Variants in DGKI observed in about 807,000 individuals in gnomAD.
DGKI encodes the protein diacylglycerol kinase iota, also known as DAG kinase iota.
In DGKI, 55 loss-of-function variants were observed where a neutral mutation model predicts 147.5. The ratio of observed to expected loss-of-function variants is 0.37; its 90% CI spans 0.30 to 0.47. The LOEUF (loss-of-function observed/expected upper bound fraction) is 0.47. Ranked by LOEUF, DGKI falls within the 20% of genes least tolerant of loss-of-function variation. The probability of loss-of-function intolerance (pLI) is 1.00; values close to 1 mark genes in which losing one functional copy is unlikely to be tolerated. For synonymous variants in DGKI, 469 were observed against 477.1 expected, an observed-to-expected ratio of 0.98 and a Z score of 0.22; for missense variants, 1,007 against 1,323.8, an observed-to-expected ratio of 0.76 and a Z score of 3.71.
intron 20 of DGKI, among the ~76,000 whole-genome samples, chr7:137,548,433 TC>T (rs2128964552): frequency 6.6e-6 from 1 of 152,266 alleles, no homozygotes; most frequent in South Asian, 2.1e-4. Flanking sequence ...CCTGGTGCCC[TC>T]CTTGAGGTAG....
chr7:137,482,807 CT>C (rs1361906547), intron 23 of DGKI, among the ~76,000 whole-genome samples: 1 of 151,952 alleles, frequency 6.6e-6, no homozygotes, highest in Non-Finnish European at 1.5e-5. Context: ...CTTCTTGGAT[CT>C]TTTTTGTTCC....
chr7:137,610,231 G>T (rs1264604036), intron 8 of DGKI, among the ~76,000 whole-genome samples: 1 of 152,046 alleles, frequency 6.6e-6, no homozygotes, highest in Non-Finnish European at 1.5e-5. Context: ...GGAAGTCATT[G>T]TTCTTTCTTT....
chr7:137,768,535 A>C (rs1200411724), intron 1 of DGKI, among the ~76,000 whole-genome samples: 2 of 152,204 alleles, frequency 1.3e-5, no homozygotes. Context: ...TGAGCAAAAA[A>C]TATCCTTTCC....
intron 1 of DGKI, among the ~76,000 whole-genome samples, chr7:137,784,779 C>T (rs545421964): frequency 6.6e-6 from 1 of 152,126 alleles, no homozygotes; most frequent in South Asian, 2.1e-4. Flanking sequence ...AGTACCCTCC[C>T]AGACCACAGT....
intron 23 of DGKI, among the ~76,000 whole-genome samples, chr7:137,473,226 T>C (rs1258299983): frequency 2.6e-5 from 4 of 152,146 alleles, no homozygotes; most frequent in Non-Finnish European, 4.4e-5. Flanking sequence ...TAGATGGAAA[T>C]TGCAAAAATG....
At chr7:137,703,339 C>T (rs1355421074) in intron 1 of DGKI, among the ~76,000 whole-genome samples, 2 of 152,188 alleles carry the variant, frequency 1.3e-5, no homozygotes, top group African/African-American at 2.4e-5. Context: ...CAGGCCCCTC[C>T]TCCAATGTGA....
At chr7:137,580,392 C>T (rs1819146786) in intron 15 of DGKI, among the ~76,000 whole-genome samples, 1 of 152,018 alleles carries the variant, frequency 6.6e-6, no homozygotes, top group Non-Finnish European at 1.5e-5. Context: ...CCTCTGAATA[C>T]CTAATATCCA....
chr7:137,770,304 C>T (rs1441045709), intron 1 of DGKI, among the ~76,000 whole-genome samples: 1 of 151,368 alleles, frequency 6.6e-6, no homozygotes, highest in Non-Finnish European at 1.5e-5. Context: ...CAACACACAT[C>T]AGGGCCTGTC....
Position 137,572,801 on chromosome 7 carries a change from A to T in DGKI, c.1799T>A (p.Leu600Gln). 1 of 1,612,402 alleles carries T rather than the reference A, an allele frequency of 6.2e-7. No homozygotes were observed. The highest frequency in any genetic ancestry group is 2.2e-5 in the East Asian group (1 of 44,826). Residue 600 changes from leucine (L) to glutamine (Q), a missense_variant, in exon 18 of 33, where the codon CTG (leucine) becomes CAG (glutamine). Physicochemically the swap from Leu to Gln is moderately radical, Grantham distance 113. Coordinates refer to ENST00000614521, the MANE Select transcript of DGKI (RefSeq NM_001321708.2). ...TAAAAATACTATACACTGGAACTTC[A>T]GTTCCTGAATCTTTGGGGTGAGATC... is the stretch of plus-strand genomic sequence containing the variant. The part of the protein sequence containing the change: ...GTDLTPKIQE[L>Q]KFQCIVFLNI...
At chr7:137,435,234 A>G (rs17169175) in intron 28 of DGKI, among the ~76,000 whole-genome samples, 13,089 of 152,228 alleles carry the variant, frequency 0.086, 1,621 homozygotes, top group African/African-American at 0.27. Flanking sequence ...GTCAAATAAG[A>G]AGAGCAACAT....
rs750705425 is a variant in DGKI, at chr7:137,678,662, A to G, written c.511-10T>C. Reference sequence around the variant, plus strand: ...CATTCACGGCATTCTCCTGCAAGGAAAAGACCCACCTGACATCAATTTTTT... The same window carrying G: ...CATTCACGGCATTCTCCTGCAAGGAGAAGACCCACCTGACATCAATTTTTT... On this transcript the variant is annotated splice_polypyrimidine_tract_variant and intron_variant, in intron 2 of 32. Transcript: ENST00000614521. 1.9e-6 allele frequency: 3 copies of G among 1,613,126 alleles called. No individual in the cohort carries two copies. In the Middle Eastern group the frequency reaches 4.9e-4, roughly 265 times the overall value.
intron 2 of DGKI, among the ~76,000 whole-genome samples, chr7:137,686,388 C>A (rs1301222026): frequency 6.6e-6 from 1 of 152,204 alleles, no homozygotes; most frequent in Admixed American, 6.5e-5. Context: ...TCTCCACACA[C>A]CACTGCAGGT....
chr7:137,460,386 C>T (rs912218009), intron 27 of DGKI, among the ~76,000 whole-genome samples: 1 of 152,090 alleles, frequency 6.6e-6, no homozygotes, highest in Non-Finnish European at 1.5e-5. Context: ...ATGCAATATT[C>T]TATATCAAAA....
chr7:137,748,355 A>C (rs948803318), intron 1 of DGKI, among the ~76,000 whole-genome samples: 11 of 149,460 alleles, frequency 7.4e-5, no homozygotes, highest in Admixed American at 6.7e-4. Context: ...TGGTTAAAGA[A>C]AAAAAAAAAA....
At chr7:137,569,290 CCA>C (rs1218455973) in intron 19 of DGKI, among the ~76,000 whole-genome samples, 3 of 152,092 alleles carry the variant, frequency 2.0e-5, no homozygotes, top group African/African-American at 7.2e-5. Flanking sequence ...GAGCCTTCTA[CCA>C]CAGTCAGAAC....
intron 13 of DGKI, among the ~76,000 whole-genome samples, chr7:137,586,010 G>C (rs961047021): frequency 6.6e-6 from 1 of 152,096 alleles, no homozygotes; most frequent in African/African-American, 2.4e-5. Context: ...TTTCTACACT[G>C]CCTACTTTAA....
intron 6 of DGKI, among the ~76,000 whole-genome samples, chr7:137,631,126 T>C (rs558606056): frequency 4.6e-5 from 7 of 152,344 alleles, no homozygotes; most frequent in African/African-American, 1.7e-4. Flanking sequence ...CAGGAAATAA[T>C]TGTCTTTACT....
At chr7:137,418,474 C>G (rs995181809) in intron 28 of DGKI, among the ~76,000 whole-genome samples, 1 of 152,090 alleles carries the variant, frequency 6.6e-6, no homozygotes, top group African/African-American at 2.4e-5. Context: ...TATTGCTGTA[C>G]AGAAGACAAT....
chr7:137,739,801 T>C (rs1041057974), intron 1 of DGKI, among the ~76,000 whole-genome samples: 3 of 152,182 alleles, frequency 2.0e-5, no homozygotes, highest in Non-Finnish European at 2.9e-5. Flanking sequence ...TATTTGTCAA[T>C]AGAGCATATG....
Sources: gnomAD v4.1 joint callset for allele counts (sites outside exome capture counted in the v4.1 genomes callset) on GRCh38, gnomAD v4.1.1 for gene constraint, MANE v1.5 for transcripts, NCBI Gene and HGNC (gene_info 2026-07-23, HGNC 2026-07-21) for gene names.